The following ST6GAL2 variants were observed in gnomAD, a reference collection of about 807,000 sequenced individuals.
ST6GAL2 encodes the protein beta-galactoside alpha-2,6-sialyltransferase 2.
Under a neutral mutation model 37.5 loss-of-function variants are expected in ST6GAL2, and 24 were observed. The ratio of observed to expected loss-of-function variants is 0.64; its 90% CI spans 0.46 to 0.90. ST6GAL2 has a LOEUF of 0.90. Ranked by LOEUF, ST6GAL2 falls within the 40% of genes least tolerant of loss-of-function variation. The pLI, the probability that ST6GAL2 is intolerant of heterozygous loss-of-function variation, is 0.00. For missense variants in ST6GAL2, 715 were observed against 712.7 expected, an observed-to-expected ratio of 1.00 and a Z score of -0.04; for synonymous variants, 306 against 295.1, an observed-to-expected ratio of 1.04 and a Z score of -0.38.
chr2:106,879,649 A>G (rs1678659063), intron 1 of ST6GAL2, among the ~76,000 whole-genome samples: 1 of 149,890 alleles, frequency 6.7e-6, no homozygotes, highest in African/African-American at 2.4e-5. Context: ...CCAATTATAT[A>G]CGTATCTAAT....
chr2:106,866,701 T>C (rs1230243910), intron 1 of ST6GAL2, among the ~76,000 whole-genome samples: 1 of 152,150 alleles, frequency 6.6e-6, no homozygotes, highest in East Asian at 1.9e-4. Flanking sequence ...GGCCAAACAC[T>C]TGTGCTCCAA....
chr2:106,829,575 A>G (rs1375752367), intron 5 of ST6GAL2, among the ~76,000 whole-genome samples: 1 of 152,192 alleles, frequency 6.6e-6, no homozygotes, highest in Non-Finnish European at 1.5e-5. Flanking sequence ...TGCCATATAG[A>G]ACAGAAAGAA....
chr2:106,826,038 G>GTCTTTCGTGTTCAAAAGAGTCAACTTT (rs1358749851), intron 5 of ST6GAL2, among the ~76,000 whole-genome samples: 4 of 152,178 alleles, frequency 2.6e-5, no homozygotes, highest in African/African-American at 9.7e-5. Context: ...ACAAAGAAAT[G>GTCTTTCGTGTTCAAAAGAGTCAACTTT]TCTTTCGTGT....
At chr2:106,880,496 G>T (rs1573330229) in intron 1 of ST6GAL2, among the ~76,000 whole-genome samples, 1 of 152,194 alleles carries the variant, frequency 6.6e-6, no homozygotes, top group Non-Finnish European at 1.5e-5. Context: ...TTCACCAAAG[G>T]GACCAAGGGA....
intron 2 of ST6GAL2, among the ~76,000 whole-genome samples, chr2:106,835,731 T>G (rs1676608743): frequency 6.6e-6 from 1 of 152,158 alleles, no homozygotes; most frequent in South Asian, 2.1e-4. Flanking sequence ...AGAGATACAG[T>G]TCACAAAACA....
At chr2:106,810,079 C>T (rs183678980) in intron 5 of ST6GAL2, among the ~76,000 whole-genome samples, 5 of 152,336 alleles carry the variant, frequency 3.3e-5, no homozygotes, top group African/African-American at 1.2e-4. Context: ...CTCTGGGGAG[C>T]TTCCCTATAC....
chr2:106,869,766 C>G lies in ST6GAL2; in HGVS notation c.-58+16327G>C, dbSNP rs577171101. 3.5e-3 allele frequency among the ~76,000 whole-genome samples: 534 copies of G among 152,328 alleles called. 4 individuals are homozygous for G. The highest frequency in any genetic ancestry group is 0.012 in the African/African-American group (503 of 41,588). On this transcript the variant is annotated intron_variant, in intron 1 of 5. Coordinates refer to ENST00000409382, the MANE Select transcript of ST6GAL2 (RefSeq NM_001142351.2). The stretch of plus-strand genomic sequence containing the variant: ...TCCAAGTCTAATGTTTAAGCCTAGA[C>G]AGCTCCAAGGGGACACCTGTTGGCT...
intron 1 of ST6GAL2, among the ~76,000 whole-genome samples, chr2:106,857,852 C>A (rs563598654): frequency 6.6e-6 from 1 of 152,254 alleles, no homozygotes; most frequent in East Asian, 1.9e-4. Flanking sequence ...AAGAACAATG[C>A]CTCGCTGCTG....
At chr2:106,838,883 A>G (rs1296869383) in intron 2 of ST6GAL2, among the ~76,000 whole-genome samples, 1 of 152,030 alleles carries the variant, frequency 6.6e-6, no homozygotes, top group Admixed American at 6.6e-5. Flanking sequence ...TAAAAACACA[A>G]AAATTAGCCG....
At chr2:106,859,040 C>T (rs7589652) in intron 1 of ST6GAL2, among the ~76,000 whole-genome samples, 38,594 of 152,062 alleles carry the variant, frequency 0.25, 6,480 homozygotes, top group Non-Finnish European at 0.38. Context: ...GGCTGGCTGC[C>T]AATGCTGCGA....
chr2:106,822,173 GA>G (rs142061084), intron 5 of ST6GAL2, among the ~76,000 whole-genome samples: 2,483 of 152,188 alleles, frequency 0.016, 79 homozygotes, highest in African/African-American at 0.056. Flanking sequence ...TCAGAGAAGA[GA>G]AAGAAGTAAA....
At chr2:106,858,291 ACTT>A (rs1007629324) in intron 1 of ST6GAL2, among the ~76,000 whole-genome samples, 12 of 152,206 alleles carry the variant, frequency 7.9e-5, no homozygotes, top group African/African-American at 2.7e-4. Context: ...ATCAAAAAGA[ACTT>A]CTCCTGCACT....
chr2:106,810,993 CTG>C (rs1456172254), intron 5 of ST6GAL2, among the ~76,000 whole-genome samples: 1 of 147,428 alleles, frequency 6.8e-6, no homozygotes, highest in Non-Finnish European at 1.5e-5. Flanking sequence ...AATAATAAAA[CTG>C]TGTAATGTGA....
At chr2:106,850,770 A>C (rs1357043583) in intron 1 of ST6GAL2, among the ~76,000 whole-genome samples, 4 of 152,244 alleles carry the variant, frequency 2.6e-5, no homozygotes, top group African/African-American at 9.6e-5. Flanking sequence ...GGCTCGGCTA[A>C]GCAAGAGAAA....
At chr2:106,855,439 A>T (rs1677536249) in intron 1 of ST6GAL2, among the ~76,000 whole-genome samples, 1 of 152,238 alleles carries the variant, frequency 6.6e-6, no homozygotes, top group Admixed American at 6.5e-5. Flanking sequence ...AGAACAATAG[A>T]GGCTGCAAAA....
At chr2:106,824,761 A>G (rs1676139913) in intron 5 of ST6GAL2, 1 of 152,250 alleles carries the variant, frequency 6.6e-6, no homozygotes, top group Admixed American at 6.5e-5. Flanking sequence ...TTAACTAAAT[A>G]CAAATAAAAA....
intron 5 of ST6GAL2, among the ~76,000 whole-genome samples, chr2:106,814,490 CAA>C (rs60883353): frequency 1.3e-4 from 18 of 133,636 alleles, no homozygotes; most frequent in African/African-American, 1.1e-4. Flanking sequence ...TGTTTGCGTT[CAA>C]AAAAAAAAAA....
chr2:106,842,187 G>C (rs1317962415), intron 2 of ST6GAL2, among the ~76,000 whole-genome samples: 2 of 152,168 alleles, frequency 1.3e-5, no homozygotes, highest in African/African-American at 2.4e-5. Context: ...CAGCCTTCAC[G>C]ATCATGAGAG....
chr2:106,856,026 T>TGACTTTTACTGTCCAAAG (rs1339954984), intron 1 of ST6GAL2, among the ~76,000 whole-genome samples: 1 of 152,262 alleles, frequency 6.6e-6, no homozygotes, highest in Non-Finnish European at 1.5e-5. Context: ...ACTATCCATG[T>TGACTTTTACTGTCCAAAG]AAACTTGGAC....
Sources: gnomAD v4.1 joint callset for allele counts (sites outside exome capture counted in the v4.1 genomes callset) on GRCh38, gnomAD v4.1.1 for gene constraint, MANE v1.5 for transcripts, NCBI Gene and HGNC (gene_info 2026-07-23, HGNC 2026-07-21) for gene names.